Variants in TREML1 observed in about 807,000 individuals in gnomAD.
TREML1 encodes the protein trem-like transcript 1 protein.
TREML1 carries 27 observed loss-of-function variants against 22.8 expected under a neutral mutation model. The ratio of observed to expected loss-of-function variants is 1.19; its 90% CI spans 0.87 to 1.64. TREML1 has a LOEUF of 1.64. Among genes scored for constraint, TREML1 ranks in the 40% most tolerant of loss-of-function variants. The pLI is 0.00. For missense variants in TREML1, 356 were observed against 382.0 expected, an observed-to-expected ratio of 0.93 and a Z score of 0.57; for synonymous variants, 153 against 161.9, an observed-to-expected ratio of 0.94 and a Z score of 0.42.
chr6:41,151,866 C>T (rs1429854875), intron 2 of TREML1, among the ~76,000 whole-genome samples: 1 of 152,196 alleles, frequency 6.6e-6, no homozygotes, highest in South Asian at 2.1e-4. Flanking sequence ...GACCCTGCAA[C>T]CCTAGCCCAA....
At chr6:41,154,140 C>T in intron 1 of TREML1, 50 bp from the exon 2 acceptor site, 6 of 1,593,226 alleles carry the variant, frequency 3.8e-6, no homozygotes, top group Non-Finnish European at 5.1e-6. Context: ...GGGAGCATCT[C>T]CCAGCCCAGC....
chr6:41,150,546 C>T (rs1004992814), intron 4 of TREML1, among the ~76,000 whole-genome samples: 3 of 152,258 alleles, frequency 2.0e-5, no homozygotes, highest in South Asian at 2.1e-4. Context: ...GCCTACCTCC[C>T]GAGACCCTTT....
chr6:41,152,594 C>CA (rs1561873852), intron 2 of TREML1, among the ~76,000 whole-genome samples: 1 of 151,536 alleles, frequency 6.6e-6, no homozygotes, highest in Non-Finnish European at 1.5e-5. Flanking sequence ...GGGAAGGGGC[C>CA]AGGGGTGGTG....
Position 41,150,856 on chromosome 6 carries a change from C to A in TREML1, c.531G>T (p.Ala177=). The part of the protein sequence containing the change: ...AVLLVGLLVA[A]VVLFAVMAKR... ...TGGCCATCACAGCAAACAGCACCAC[C>A]GCTGCCACCAGCAGACCTACCAGGA... Residue 177 remains alanine, a synonymous_variant, in exon 4 of 6, where the codon GCG becomes GCT. Coordinates refer to ENST00000426005, the MANE Select transcript of TREML1 (RefSeq NM_178174.4). 1 of 1,614,070 alleles carries A rather than the reference C, an allele frequency of 6.2e-7. No individual in the cohort carries two copies. The highest frequency in any genetic ancestry group is 2.2e-5 in the East Asian group (1 of 44,872).
chr6:41,149,298 T>G (rs763479756), downstream of TREML1: 2 of 286,866 alleles, frequency 7.0e-6, no homozygotes, highest in Non-Finnish European at 1.3e-5. Context: ...GCCAAGCAAT[T>G]AGTCAAACTT....
Position 41,151,341 on chromosome 6 carries a change from G to A in TREML1, c.420C>T (p.Asn140=), listed in dbSNP as rs199653254. 4.5e-5 allele frequency: 73 copies of A among 1,614,186 alleles called. No homozygotes were observed. Among genetic ancestry groups the A allele is most frequent in the South Asian group, 7.7e-5 (7 of 91,084 alleles). ...CACTGCCTGCAGGGTCTGAGAATGC[G>A]TTCTCAGCCAGACTGCCAATCTTAT... ...ETHKIGSLAE[N]AFSDPAGSAN... Residue 140 remains asparagine, a synonymous_variant, in exon 3 of 6, where the codon AAC becomes AAT. Coordinates refer to ENST00000426005, the MANE Select transcript of TREML1 (RefSeq NM_178174.4).
At chr6:41,152,798 G>A (rs896892165) in intron 2 of TREML1, among the ~76,000 whole-genome samples, 8 of 152,062 alleles carry the variant, frequency 5.3e-5, no homozygotes, top group African/African-American at 9.7e-5. Flanking sequence ...ACTTGAACCC[G>A]AGAGGCCAAG....
chr6:41,153,233 C>T (rs957424042), intron 2 of TREML1, among the ~76,000 whole-genome samples: 15 of 147,596 alleles, frequency 1.0e-4, no homozygotes, highest in Admixed American at 2.7e-4. Context: ...ATTTTTAAAA[C>T]GAAAGGAGTT....
In TREML1 at chr6:41,152,144, C is replaced by G. The variant is rs115360747; in HGVS notation, c.377-760G>C. Among the ~76,000 whole-genome samples, 237 of 152,306 alleles carry G rather than the reference C, an allele frequency of 1.6e-3. 5 individuals carry two copies. Among genetic ancestry groups the G allele is most frequent in the African/African-American group, 5.2e-3 (217 of 41,558 alleles). On this transcript the variant is annotated intron_variant, in intron 2 of 5. Coordinates refer to ENST00000426005, the MANE Select transcript of TREML1 (RefSeq NM_178174.4). ...GTTCTTGAGAGATTCACCATTCCTA[C>G]TCCCCATCCTATGCCACACCAGGAA...
chr6:41,154,355 G>A (rs956451060), upstream of TREML1: 1 of 1,379,258 alleles, frequency 7.3e-7, no homozygotes, highest in African/African-American at 1.4e-5. Flanking sequence ...CCTGAGGGCA[G>A]GAAACATCTG....
intron 3 of TREML1, 147 bp from the exon 4 acceptor site, chr6:41,151,054 C>G (rs1242137983): frequency 2.7e-6 from 2 of 744,924 alleles, no homozygotes; most frequent in Middle Eastern, 2.6e-4. Context: ...TGAGGTAGGG[C>G]AGAAGAGGGA....
chr6:41,151,790 C>T (rs1471047818), intron 2 of TREML1, among the ~76,000 whole-genome samples: 1 of 152,204 alleles, frequency 6.6e-6, no homozygotes, highest in African/African-American at 2.4e-5. Flanking sequence ...CTGCAGTTCT[C>T]ATCCTCAATG....
chr6:41,149,747 A>G lies in TREML1; in HGVS notation c.793T>C (p.Leu265=). The change falls in exon 6 of 6, where the codon TTG becomes CTG. Residue 265 remains leucine, a synonymous_variant. Coordinates refer to ENST00000426005, the MANE Select transcript of TREML1 (RefSeq NM_178174.4). ...AGGACCTTAGGAGGTAGAGGGGGCAATGAGGATGGAGCTGGGAGTGAAGGT... is the reference window on the plus strand; with the variant it reads ...AGGACCTTAGGAGGTAGAGGGGGCAGTGAGGATGGAGCTGGGAGTGAAGGT... ...GKPSLPAPSS[L]PPLPPKVLVC... is the part of the protein sequence containing the mutation. 6.2e-7 allele frequency: 1 copy of G among 1,614,176 alleles called. No individual in the cohort carries two copies. Among genetic ancestry groups the G allele is most frequent in the Non-Finnish European group, 8.5e-7 (1 of 1,180,022 alleles).
At chr6:41,151,481 G>T in intron 2 of TREML1, 97 bp from the exon 3 acceptor site, 1 of 1,129,982 alleles carries the variant, frequency 8.8e-7, no homozygotes. Context: ...GGGACTGGAG[G>T]AGTGGAGCCA....
chr6:41,150,833 G>T lies in TREML1; in HGVS notation c.554C>A (p.Ala185Asp), dbSNP rs1168486381. The part of the protein sequence containing the change: ...VAAVVLFAVM[A>D]KRKQGNRLGV... Reference sequence around the variant, plus strand: ...TAGCCACCTACCTTGTTTCCTCTTGGCCATCACAGCAAACAGCACCACCGC... The same window carrying T: ...TAGCCACCTACCTTGTTTCCTCTTGTCCATCACAGCAAACAGCACCACCGC... Residue 185 changes from alanine to aspartate, a missense_variant, in exon 4 of 6, where the codon GCC becomes GAC. Coordinates refer to ENST00000426005, the MANE Select transcript of TREML1 (RefSeq NM_178174.4). The T allele has an allele frequency of 1.2e-6, 2 of 1,613,802 alleles. No homozygotes were observed. Among genetic ancestry groups the T allele is most frequent in the Non-Finnish European group, 1.7e-6 (2 of 1,179,892 alleles).
At position 41,150,900 on chromosome 6, in the gene TREML1, A is replaced by C; in HGVS notation, c.487T>G (p.Leu163Val). The change falls in exon 4 of 6, where the codon TTG (leucine) becomes GTG (valine). Residue 163 changes from leucine to valine, a missense_variant. Physicochemically the swap from Leu to Val is conservative, Grantham distance 32. Coordinates refer to ENST00000426005, the MANE Select transcript of TREML1 (RefSeq NM_178174.4). Reference protein sequence around the residue: ...EPSQDEKSIPLIWGAVLLVGL... With the variant: ...EPSQDEKSIPVIWGAVLLVGL... ...ACCAGGAGCACAGCACCCCAGATCA[A>C]GGGGATGCTGAGGAACAGAAAGGGA... The C allele has an allele frequency of 6.2e-7, 1 of 1,614,004 alleles. No homozygotes were observed. The highest frequency in any genetic ancestry group is 8.5e-7 in the Non-Finnish European group (1 of 1,179,904).
intron 2 of TREML1, among the ~76,000 whole-genome samples, chr6:41,152,743 G>A (rs570493799): frequency 2.0e-5 from 3 of 152,120 alleles, no homozygotes; most frequent in Non-Finnish European, 4.4e-5. Flanking sequence ...CATGGTGGTG[G>A]GCACCTGTAG....
intron 1 of TREML1, 30 bp downstream of exon 1, chr6:41,154,216 C>T (rs1561875063): frequency 1.2e-6 from 2 of 1,610,368 alleles, no homozygotes; most frequent in Non-Finnish European, 8.5e-7. Flanking sequence ...GCATATGGGG[C>T]CCAGAGCTGC....
intron 4 of TREML1, 68 bp downstream of exon 4, chr6:41,150,743 ACTCCTGGC>A (rs1319503469): frequency 1.5e-6 from 2 of 1,330,458 alleles, no homozygotes; most frequent in Non-Finnish European, 2.2e-6. Context: ...TTGGACCTAG[ACTCCTGGC>A]CTCATCTGCA....
Sources: allele counts gnomAD v4.1 joint callset (sites outside exome capture counted in the v4.1 genomes callset), GRCh38; gene constraint gnomAD v4.1.1; transcripts MANE v1.5; gene names NCBI Gene and HGNC (gene_info 2026-07-23, HGNC 2026-07-21).